UNC79: variants seen among roughly 807,000 people sequenced by gnomAD.
UNC79 encodes protein unc-79 homolog.
Under a neutral mutation model 283.1 loss-of-function variants are expected in UNC79, and 37 were observed. That is an observed-to-expected ratio of 0.13 (90% CI 0.10 to 0.17). The LOEUF is 0.17. UNC79 is among the 10% of genes least tolerant of loss of function. The probability of loss-of-function intolerance (pLI) is 1.00; values close to 1 mark genes in which losing one functional copy is unlikely to be tolerated. For synonymous variants in UNC79, 1,107 were observed against 1,200.2 expected (o/e 0.92, Z 1.61); for missense variants, 2,272 against 3,211.1 (o/e 0.71, Z 7.07).
At chr14:93,580,337 C>T (rs1364383764) in exon 19 of UNC79, 1 of 1,614,148 alleles carries the variant, frequency 6.2e-7, no homozygotes, top group Non-Finnish European at 8.5e-7. Flanking sequence ...CTTGTGAACT[C>T]CTGGAGAGAC....
chr14:93,647,493 C>G (rs113966955), intron 35 of UNC79, among the ~76,000 whole-genome samples: 1,905 of 152,218 alleles, frequency 0.013, 43 homozygotes, highest in African/African-American at 0.043. Flanking sequence ...GTGATCCATG[C>G]AGTAATTTAT....
At chr14:93,514,794 GAACTT>G (rs1163542452) in intron 7 of UNC79, among the ~76,000 whole-genome samples, 1 of 152,166 alleles carries the variant, frequency 6.6e-6, no homozygotes, top group African/African-American at 2.4e-5. Flanking sequence ...GGTGAATGTA[GAACTT>G]AACTTGTATG....
In UNC79 at chr14:93,621,487, C is replaced by T; in HGVS notation, c.4388-134C>T. On this transcript the variant is annotated intron_variant, in intron 29 of 48. Coordinates refer to ENST00000555664, the Ensembl canonical transcript of UNC79. The surrounding 1 kb of genome is among the most constrained non-coding windows in gnomAD (Gnocchi z 4.8). ...AGAACGAACCTTACAAAAACTTGGC[C>T]AGAAAGTTCGTTTTCCCTCCTGGTG... 8.5e-7 allele frequency: 1 copy of T among 1,175,678 alleles called. No homozygotes were observed. The highest frequency in any genetic ancestry group is 2.3e-5 in the South Asian group (1 of 43,038). The allele number at this position is 1,175,678 out of a possible 1,614,324, so 72.8% of individuals were successfully genotyped here. A position where few individuals can be genotyped will look rare whatever the true frequency, so the allele number is the denominator to read the frequency against.
intron 32 of UNC79, among the ~76,000 whole-genome samples, chr14:93,640,894 T>C (rs760424104): frequency 2.0e-5 from 3 of 152,214 alleles, no homozygotes; most frequent in Non-Finnish European, 4.4e-5. Context: ...ACCTGAGCTC[T>C]TTCTGATTTC....
At chr14:93,478,055 C>T (rs764189498) in intron 4 of UNC79, among the ~76,000 whole-genome samples, 7 of 152,134 alleles carry the variant, frequency 4.6e-5, no homozygotes, top group South Asian at 2.1e-4. Context: ...AGTATTGTCT[C>T]AGATGCAGAA....
rs149790632 is a variant in UNC79, at chr14:93,379,049, G to A, written c.-351+45526G>A. Among the ~76,000 whole-genome samples the A allele has an allele frequency of 7.2e-3, 1,095 of 152,262 alleles. 12 individuals are homozygous for A. The highest frequency in any genetic ancestry group is 0.051 in the Middle Eastern group (15 of 294). ...GATCAGGAGGAGCAAAAGAGTATAAGAGAGTCAAGTTAACAGCTGAGCAAA... is the reference window on the plus strand; with the variant it reads ...GATCAGGAGGAGCAAAAGAGTATAAAAGAGTCAAGTTAACAGCTGAGCAAA... On this transcript the variant is annotated intron_variant, in intron 1 of 49. Transcript: ENST00000256339.
chr14:93,488,227 A>C (rs999432241), intron 5 of UNC79, among the ~76,000 whole-genome samples: 1 of 152,240 alleles, frequency 6.6e-6, no homozygotes, highest in Non-Finnish European at 1.5e-5. Context: ...ATAGTATGTG[A>C]AAGTACTTGT....
chr14:93,481,330 CCT>C (rs1363045374), intron 4 of UNC79, among the ~76,000 whole-genome samples: 1 of 152,086 alleles, frequency 6.6e-6, no homozygotes, highest in Non-Finnish European at 1.5e-5. Context: ...ACCATGGAAA[CCT>C]CTCTTTTTCC....
chr14:93,384,706 T>G (rs1342790795), intron 1 of UNC79, among the ~76,000 whole-genome samples: 1 of 152,236 alleles, frequency 6.6e-6, no homozygotes, highest in Non-Finnish European at 1.5e-5. Flanking sequence ...TTTAACTTGA[T>G]GTGATCTCAT....
At chr14:93,529,714 C>T (rs1007025027) in intron 10 of UNC79, among the ~76,000 whole-genome samples, 3 of 152,106 alleles carry the variant, frequency 2.0e-5, no homozygotes, top group Non-Finnish European at 4.4e-5. Context: ...GAATAATTGG[C>T]CTTTCCCCTG....
chr14:93,636,218 A>G (rs2068496302), intron 31 of UNC79, among the ~76,000 whole-genome samples: 1 of 152,116 alleles, frequency 6.6e-6, no homozygotes, highest in Admixed American at 6.5e-5. Flanking sequence ...TTTCAACCAA[A>G]TTTCAATCTT....
chr14:93,501,146 G>A (rs1178791696), intron 7 of UNC79, among the ~76,000 whole-genome samples: 2 of 152,028 alleles, frequency 1.3e-5, no homozygotes, highest in African/African-American at 2.4e-5. Context: ...CCAACGTGGT[G>A]AAACCCTAGC....
intron 1 of UNC79, among the ~76,000 whole-genome samples, chr14:93,418,041 G>A: frequency 6.6e-6 from 1 of 151,898 alleles, no homozygotes; most frequent in East Asian, 1.9e-4. Flanking sequence ...TCTCTGTCCA[G>A]CTTTGTTCCG....
chr14:93,671,029 C>A (rs2072795284), intron 40 of UNC79, among the ~76,000 whole-genome samples: 1 of 152,142 alleles, frequency 6.6e-6, no homozygotes, highest in African/African-American at 2.4e-5. Flanking sequence ...AAAATTGAAA[C>A]CAATTCAACA....
intron 1 of UNC79, chr14:93,347,296 G>A (rs761136486): frequency 3.7e-6 from 6 of 1,604,790 alleles, no homozygotes; most frequent in Admixed American, 1.7e-5. Flanking sequence ...GCGCTGTCCT[G>A]CCCGCCGCCA....
Position 93,602,348 on chromosome 14 carries a change from T to C in UNC79, c.3575-891T>C, listed in dbSNP as rs1230574453. On this transcript the variant is annotated intron_variant, in intron 25 of 48. Coordinates refer to ENST00000555664, the Ensembl canonical transcript of UNC79. ...TTGCCAATTATCCCAGCACCATTTA[T>C]TGAATACAGTGTCCTCTCCCCACTT... Among the ~76,000 whole-genome samples the C allele has an allele frequency of 2.0e-5, 3 of 152,190 alleles. No homozygotes were observed. The East Asian group carries it at 5.8e-4, about 29-fold the overall frequency.
intron 30 of UNC79, among the ~76,000 whole-genome samples, chr14:93,623,854 C>T (rs1486262720): frequency 6.6e-6 from 1 of 152,128 alleles, no homozygotes; most frequent in Non-Finnish European, 1.5e-5. Flanking sequence ...GATGGTGCCA[C>T]TGCACTCCAG....
Position 93,634,579 on chromosome 14 carries a change from G to A in UNC79, c.5717-2637G>A. On this transcript the variant is annotated intron_variant, in intron 31 of 48. Coordinates refer to ENST00000555664, the Ensembl canonical transcript of UNC79. ...GAGTTCTGACAATGAGCCAGTTAAT[G>A]AAGCGGCAGCTGGAGCATCAGTCTA... The A allele has an allele frequency of 3.1e-6, 5 of 1,614,182 alleles. No individual in the cohort carries two copies. The South Asian group carries it at 3.3e-5, about 11-fold the overall frequency.
chr14:93,447,788 T>G (rs2056508395), intron 1 of UNC79, among the ~76,000 whole-genome samples: 1 of 152,174 alleles, frequency 6.6e-6, no homozygotes, highest in Non-Finnish European at 1.5e-5. Context: ...TTTTTTCCTT[T>G]GAGTACTTTA....
Sources: allele counts gnomAD v4.1 joint callset (sites outside exome capture counted in the v4.1 genomes callset), GRCh38; gene constraint gnomAD v4.1.1; non-coding constraint Gnocchi (gnomAD v3.1); transcripts MANE v1.5; gene names NCBI Gene and HGNC (gene_info 2026-07-23, HGNC 2026-07-21).